The following TTC28 variants were observed in gnomAD, a reference collection of about 807,000 sequenced individuals.
TTC28 encodes the protein tetratricopeptide repeat protein 28.
TTC28 carries 61 observed loss-of-function variants against 198.0 expected under a neutral mutation model. The ratio of observed to expected loss-of-function variants is 0.31; its 90% CI spans 0.25 to 0.38. The LOEUF (loss-of-function observed/expected upper bound fraction) is 0.38, where lower values mean the gene tolerates loss of function less well. Among genes scored for constraint, TTC28 ranks in the 10% least tolerant of loss-of-function variants. TTC28 has a pLI of 1.00. For synonymous variants in TTC28, 1,171 were observed against 1,297.8 expected, an observed-to-expected ratio of 0.90 and a Z score of 2.10; for missense variants, 2,678 against 3,164.0, an observed-to-expected ratio of 0.85 and a Z score of 3.69.
At chr22:28,456,312 T>C (rs2047859013) in intron 2 of TTC28, among the ~76,000 whole-genome samples, 1 of 152,078 alleles carries the variant, frequency 6.6e-6, no homozygotes, top group Non-Finnish European at 1.5e-5. Context: ...TAGTGGTCAC[T>C]GGGGGATGGA....
chr22:28,107,470 C>G lies in TTC28; in HGVS notation c.2375G>C (p.Gly792Ala). The change falls in exon 7 of 23, where the codon GGG (glycine) becomes GCG (alanine). Residue 792 changes from glycine (G) to alanine (A), a missense_variant. Gly to Ala is a moderately conservative substitution (Grantham distance 60). Coordinates refer to ENST00000397906, the MANE Select transcript of TTC28 (RefSeq NM_001145418.2). Reference sequence around the variant, plus strand: ...CAGGTGCCCATGAGCTCTGCACTCCCCTGGCAAGTCACTCAGCTCCTGATA... The same window carrying G: ...CAGGTGCCCATGAGCTCTGCACTCCGCTGGCAAGTCACTCAGCTCCTGATA... ...EVYQELSDLP[G>A]ECRAHGHLAA... 1 of 1,551,738 alleles carries G rather than the reference C, an allele frequency of 6.4e-7. No homozygotes were observed. The highest frequency in any genetic ancestry group is 8.7e-7 in the Non-Finnish European group (1 of 1,147,014).
intron 2 of TTC28, among the ~76,000 whole-genome samples, chr22:28,406,346 G>A (rs1289906759): frequency 6.6e-6 from 1 of 152,256 alleles, no homozygotes; most frequent in Non-Finnish European, 1.5e-5. Flanking sequence ...ATTTTAATTA[G>A]GTATCTCCAC....
intron 2 of TTC28, among the ~76,000 whole-genome samples, chr22:28,405,296 T>C (rs1048364092): frequency 2.0e-5 from 3 of 152,230 alleles, no homozygotes; most frequent in East Asian, 1.9e-4. Flanking sequence ...TTAAAATCTA[T>C]GGTAAAGTGT....
intron 5 of TTC28, among the ~76,000 whole-genome samples, chr22:28,237,142 C>T (rs1194102212): frequency 1.3e-5 from 2 of 152,038 alleles, no homozygotes; most frequent in Admixed American, 1.3e-4. Flanking sequence ...TGCTCTCGCT[C>T]GCTGGTGCAT....
At chr22:28,465,519 G>C (rs1198094170) in intron 2 of TTC28, among the ~76,000 whole-genome samples, 1 of 151,950 alleles carries the variant, frequency 6.6e-6, no homozygotes, top group African/African-American at 2.4e-5. Flanking sequence ...AGCTACTCAC[G>C]AGGCTGAAGC....
intron 2 of TTC28, among the ~76,000 whole-genome samples, chr22:28,601,850 A>C (rs1297331312): frequency 6.6e-6 from 1 of 151,568 alleles, no homozygotes; most frequent in Non-Finnish European, 1.5e-5. Flanking sequence ...AGTTTTATAT[A>C]GCACTAATGC....
chr22:28,660,060 A>T (rs1287904656), intron 1 of TTC28, among the ~76,000 whole-genome samples: 1 of 152,092 alleles, frequency 6.6e-6, no homozygotes, highest in East Asian at 1.9e-4. Flanking sequence ...CTCCCAAAGT[A>T]CTAGGATTAC....
intron 2 of TTC28, among the ~76,000 whole-genome samples, chr22:28,477,738 G>A (rs1337788355): frequency 6.6e-6 from 1 of 152,166 alleles, no homozygotes; most frequent in Non-Finnish European, 1.5e-5. Context: ...TGGGATGTCA[G>A]CAAAGGTAAG....
At chr22:28,352,211 C>T (rs2046007049) in intron 2 of TTC28, among the ~76,000 whole-genome samples, 1 of 151,728 alleles carries the variant, frequency 6.6e-6, no homozygotes, top group African/African-American at 2.4e-5. Context: ...TATTTAATAG[C>T]TTGTTATTGA....
At chr22:28,185,090 T>C (rs1658566949) in intron 5 of TTC28, among the ~76,000 whole-genome samples, 1 of 152,210 alleles carries the variant, frequency 6.6e-6, no homozygotes, top group Non-Finnish European at 1.5e-5. Flanking sequence ...AAAGTAAGAA[T>C]GTCAGAATGA....
At chr22:28,215,352 C>A (rs926681004) in intron 5 of TTC28, among the ~76,000 whole-genome samples, 1 of 152,148 alleles carries the variant, frequency 6.6e-6, no homozygotes, top group Non-Finnish European at 1.5e-5. Flanking sequence ...AGTTTCCATG[C>A]TCATTCACTA....
At chr22:28,443,264 G>A (rs1319904530) in intron 2 of TTC28, among the ~76,000 whole-genome samples, 4 of 152,154 alleles carry the variant, frequency 2.6e-5, no homozygotes, top group Non-Finnish European at 5.9e-5. Flanking sequence ...CTGAGAACGC[G>A]GGCTGCTACA....
At chr22:28,476,076 T>C (rs1279631495) in intron 2 of TTC28, among the ~76,000 whole-genome samples, 2 of 152,208 alleles carry the variant, frequency 1.3e-5, no homozygotes, top group African/African-American at 4.8e-5. Context: ...TTGAAGGTTA[T>C]ATTAAGTTAT....
chr22:28,633,298 A>C (rs1047186334), intron 1 of TTC28, among the ~76,000 whole-genome samples: 1 of 151,384 alleles, frequency 6.6e-6, no homozygotes, highest in African/African-American at 2.4e-5. Context: ...AAAAAGAAAA[A>C]GAAAAAGAAA....
intron 5 of TTC28, among the ~76,000 whole-genome samples, chr22:28,279,282 G>A (rs2044533578): frequency 6.6e-6 from 1 of 152,014 alleles, no homozygotes; most frequent in Non-Finnish European, 1.5e-5. Context: ...AAATACTTCA[G>A]CATGTATATC....
At position 28,306,102 on chromosome 22, in the gene TTC28, T is replaced by C. The variant is rs182044338; in HGVS notation, c.529+394A>G. On this transcript the variant is annotated intron_variant, in intron 3 of 22. Coordinates refer to ENST00000397906, the MANE Select transcript of TTC28 (RefSeq NM_001145418.2). ...CTTATTTGAGTATTTCTAGAAGGCA[T>C]ATATTGGTCCATCTGAGATTCAATT... 1.1e-4 allele frequency among the ~76,000 whole-genome samples: 16 copies of C among 152,282 alleles called. No homozygotes were observed. In the East Asian group the frequency reaches 2.7e-3, roughly 26 times the overall value.
intron 1 of TTC28, among the ~76,000 whole-genome samples, chr22:28,660,940 A>G (rs1255825620): frequency 6.6e-6 from 1 of 152,066 alleles, no homozygotes; most frequent in African/African-American, 2.4e-5. Flanking sequence ...AATTCCCTTT[A>G]TTTCAAAGTT....
At chr22:28,284,491 G>A (rs2044643179) in intron 5 of TTC28, among the ~76,000 whole-genome samples, 1 of 151,912 alleles carries the variant, frequency 6.6e-6, no homozygotes, top group South Asian at 2.1e-4. Flanking sequence ...CAAAAGCATA[G>A]ATAACAAAAG....
chr22:28,618,419 C>T lies in TTC28; in HGVS notation c.381+11133G>A, dbSNP rs778116069. Among the ~76,000 whole-genome samples, 10 of 152,186 alleles carry T rather than the reference C, an allele frequency of 6.6e-5. No homozygotes were observed. In the East Asian group the frequency reaches 9.7e-4, roughly 15 times the overall value. On this transcript the variant is annotated intron_variant, in intron 2 of 22. Transcript: ENST00000397906. Reference sequence around the variant, plus strand: ...AAACCAGGCCGGGTGCAGTGGCTCACGCCTGTAATCCAAGCACTTTGGGAG... The same window carrying T: ...AAACCAGGCCGGGTGCAGTGGCTCATGCCTGTAATCCAAGCACTTTGGGAG...
Sources: gnomAD v4.1 joint callset for allele counts (sites outside exome capture counted in the v4.1 genomes callset) on GRCh38, gnomAD v4.1.1 for gene constraint, MANE v1.5 for transcripts, NCBI Gene and HGNC (gene_info 2026-07-23, HGNC 2026-07-21) for gene names.